Variants in PTPRD observed in about 807,000 individuals in gnomAD.
PTPRD encodes receptor-type tyrosine-protein phosphatase delta.
PTPRD carries 34 observed loss-of-function variants against 214.5 expected under a neutral mutation model. That is an observed-to-expected ratio of 0.16 (90% CI 0.12 to 0.21). The LOEUF is 0.21. Ranked by LOEUF, PTPRD falls within the 10% of genes least tolerant of loss-of-function variation. The pLI is 1.00. For synonymous variants in PTPRD, 1,128 were observed against 845.7 expected, an observed-to-expected ratio of 1.33 and a Z score of -5.79; for missense variants, 2,545 against 2,398.7, an observed-to-expected ratio of 1.06 and a Z score of -1.27.
intron 30 of PTPRD, among the ~76,000 whole-genome samples, chr9:8,477,647 T>C (rs911405448): frequency 2.0e-5 from 3 of 152,196 alleles, no homozygotes; most frequent in African/African-American, 4.8e-5. Context: ...TAAATTCTCA[T>C]GGCAACCCAC....
At chr9:9,768,134 C>T (rs1302124571) in intron 5 of PTPRD, among the ~76,000 whole-genome samples, 2 of 152,074 alleles carry the variant, frequency 1.3e-5, no homozygotes, top group African/African-American at 2.4e-5. Flanking sequence ...TATTTGATGG[C>T]CAAAACTAGT....
intron 4 of PTPRD, among the ~76,000 whole-genome samples, chr9:9,960,848 G>C (rs2094312172): frequency 6.6e-6 from 1 of 152,018 alleles, no homozygotes; most frequent in African/African-American, 2.4e-5. Context: ...CACAGCAAAA[G>C]AAACTACCAT....
chr9:8,731,647 T>C (rs539603640), intron 12 of PTPRD, among the ~76,000 whole-genome samples: 4 of 152,358 alleles, frequency 2.6e-5, no homozygotes, highest in Non-Finnish European at 4.4e-5. Flanking sequence ...GTGACTAAAA[T>C]GATATCTCCG....
chr9:9,670,436 G>A (rs2096805524), intron 7 of PTPRD, among the ~76,000 whole-genome samples: 1 of 152,148 alleles, frequency 6.6e-6, no homozygotes, highest in African/African-American at 2.4e-5. Flanking sequence ...CATTTTCTGA[G>A]GAGAAATTCA....
chr9:9,970,508 T>C (rs926057072), intron 4 of PTPRD, among the ~76,000 whole-genome samples: 1 of 150,778 alleles, frequency 6.6e-6, no homozygotes, highest in Non-Finnish European at 1.5e-5. Context: ...TCTGGTTGGG[T>C]GGACAGTCAG....
intron 11 of PTPRD, among the ~76,000 whole-genome samples, chr9:8,987,171 T>C (rs1487538463): frequency 6.6e-6 from 1 of 152,038 alleles, no homozygotes; most frequent in Admixed American, 6.6e-5. Flanking sequence ...AGGAAAGATA[T>C]TTATTATATA....
At position 9,937,228 on chromosome 9, in the gene PTPRD, TA is replaced by T. The variant is rs201828087; in HGVS notation, c.-368+1278del. ...TACCCTAAAACTTAAAGTAAAATAA[TA>T]AAAAAAAATAAAAAATAAAAAATAA... On this transcript the variant is annotated intron_variant, in intron 5 of 45. Coordinates refer to ENST00000381196, the MANE Select transcript of PTPRD (RefSeq NM_002839.4). Among the ~76,000 whole-genome samples, 498 of 149,886 alleles carry T rather than the reference TA, an allele frequency of 3.3e-3. 3 individuals are homozygous for T. Among genetic ancestry groups the T allele is most frequent in the African/African-American group, 0.011 (437 of 40,920 alleles).
At chr9:9,772,313 A>G (rs1359375978) in intron 5 of PTPRD, among the ~76,000 whole-genome samples, 1 of 152,150 alleles carries the variant, frequency 6.6e-6, no homozygotes, top group Non-Finnish European at 1.5e-5. Flanking sequence ...CTACAAAATC[A>G]TGAAAACATA....
rs1219661756 is a variant in PTPRD at position 10,232,021 on chromosome 9, TGTGTGTGA to T, written c.-545+108934_-545+108941del. ...GTGTGTGTGTGTGTGTGTGTGTGTG[TGTGTGTGA>T]GGTGCACTCTGGCTGTTATAAAGCG... On this transcript the variant is annotated intron_variant, in intron 3 of 45. Transcript: ENST00000381196. Among the ~76,000 whole-genome samples, 254 of 150,958 alleles carry T rather than the reference TGTGTGTGA, an allele frequency of 1.7e-3. 2 individuals carry two copies. The highest frequency in any genetic ancestry group is 5.7e-3 in the African/African-American group (232 of 40,952).
chr9:9,871,975 C>T (rs1332994512), intron 5 of PTPRD, among the ~76,000 whole-genome samples: 1 of 152,154 alleles, frequency 6.6e-6, no homozygotes, highest in Non-Finnish European at 1.5e-5. Flanking sequence ...ACATGTATAA[C>T]TTCATTTAAT....
chr9:8,411,145 TAA>T (rs1022732216), intron 35 of PTPRD, among the ~76,000 whole-genome samples: 4 of 152,068 alleles, frequency 2.6e-5, no homozygotes, highest in African/African-American at 9.7e-5. Context: ...AGAATTCAGA[TAA>T]AGTGTTTTAC....
intron 38 of PTPRD, 74 bp from the exon 39 acceptor site, chr9:8,376,164 G>C (rs2134853885): frequency 6.5e-7 from 1 of 1,543,124 alleles, no homozygotes; most frequent in Non-Finnish European, 8.8e-7. Context: ...CAGGGAAGAG[G>C]TAATGCTAAA....
At chr9:10,336,461 G>T (rs181200113) in intron 3 of PTPRD, among the ~76,000 whole-genome samples, 3 of 151,626 alleles carry the variant, frequency 2.0e-5, no homozygotes, top group Non-Finnish European at 3.0e-5. Flanking sequence ...TTTTGCATTT[G>T]CCAGAATTCA....
At chr9:8,424,216 A>G (rs1048900420) in intron 35 of PTPRD, among the ~76,000 whole-genome samples, 52 of 152,180 alleles carry the variant, frequency 3.4e-4, no homozygotes, top group Non-Finnish European at 8.8e-5. Flanking sequence ...CCTGACTACT[A>G]TGTGATCACC....
chr9:10,344,444 G>C lies in PTPRD; in HGVS notation c.-599-3427C>G, dbSNP rs147896087. ...TTGGTTACTGTAGTCTTGTAGTATA[G>C]CTTGAAGTCAGGTAGCATGATGCCT... is the stretch of plus-strand genomic sequence containing the variant. On this transcript the variant is annotated intron_variant, in intron 2 of 45. Transcript: ENST00000381196. 4.4e-3 allele frequency among the ~76,000 whole-genome samples: 677 copies of C among 152,200 alleles called. 6 individuals carry two copies. The highest frequency in any genetic ancestry group is 0.016 in the African/African-American group (647 of 41,542).
chr9:9,192,313 A>G (rs2099935743), intron 9 of PTPRD, among the ~76,000 whole-genome samples: 1 of 152,148 alleles, frequency 6.6e-6, no homozygotes, highest in Admixed American at 6.6e-5. Flanking sequence ...TTGAGAGCTG[A>G]AAATCTTCCA....
At chr9:9,324,329 C>T (rs551239663) in intron 9 of PTPRD, among the ~76,000 whole-genome samples, 1 of 152,296 alleles carries the variant, frequency 6.6e-6, no homozygotes, top group East Asian at 1.9e-4. Context: ...ATTCCTGTTT[C>T]TCCACAACCT....
chr9:9,871,432 C>A (rs2065393742), intron 5 of PTPRD, among the ~76,000 whole-genome samples: 1 of 152,182 alleles, frequency 6.6e-6, no homozygotes, highest in Non-Finnish European at 1.5e-5. Flanking sequence ...TATTTTACTG[C>A]AATATCCTCT....
chr9:8,958,566 C>T (rs538033372), intron 11 of PTPRD, among the ~76,000 whole-genome samples: 1 of 151,984 alleles, frequency 6.6e-6, no homozygotes, highest in East Asian at 1.9e-4. Context: ...CAATGATTGA[C>T]TCAGAAACCA....
Sources: allele counts gnomAD v4.1 joint callset (sites outside exome capture counted in the v4.1 genomes callset), GRCh38; gene constraint gnomAD v4.1.1; transcripts MANE v1.5; gene names NCBI Gene and HGNC (gene_info 2026-07-23, HGNC 2026-07-21).